Variants in TOX observed in about 807,000 individuals in gnomAD.
TOX encodes the protein thymocyte selection-associated high mobility group box protein TOX.
A neutral mutation model predicts 53.7 loss-of-function variants in TOX; 11 were observed. The observed-to-expected ratio is 0.20, with a 90% CI of 0.13 to 0.34. The LOEUF (loss-of-function observed/expected upper bound fraction) is 0.34, where lower values mean the gene tolerates loss of function less well. Among genes scored for constraint, TOX ranks in the 10% least tolerant of loss-of-function variants. The pLI is 1.00. For missense variants in TOX, 570 were observed against 664.6 expected (o/e 0.86, Z 1.56); for synonymous variants, 225 against 245.3 (o/e 0.92, Z 0.77).
At chr8:58,956,921 T>C (rs1415334120) in intron 2 of TOX, among the ~76,000 whole-genome samples, 1 of 152,214 alleles carries the variant, frequency 6.6e-6, no homozygotes, top group Non-Finnish European at 1.5e-5. Flanking sequence ...CCCTAAATAC[T>C]GTATTATTAA....
chr8:58,873,680 C>T (rs1230374980), intron 3 of TOX, among the ~76,000 whole-genome samples: 2 of 152,086 alleles, frequency 1.3e-5, no homozygotes, highest in Non-Finnish European at 2.9e-5. Flanking sequence ...ATGTTTTTCC[C>T]TCCCTAAGGG....
chr8:58,864,566 G>A (rs1811064519), intron 3 of TOX, among the ~76,000 whole-genome samples: 1 of 152,142 alleles, frequency 6.6e-6, no homozygotes, highest in Non-Finnish European at 1.5e-5. Flanking sequence ...TTTATCTAGA[G>A]CTTTACAACG....
At chr8:58,940,362 T>A (rs1255518490) in intron 2 of TOX, among the ~76,000 whole-genome samples, 1 of 151,340 alleles carries the variant, frequency 6.6e-6, no homozygotes, top group African/African-American at 2.4e-5. Context: ...TTTTACAAAC[T>A]AGCATTAGAT....
At chr8:58,853,445 G>C (rs1043324614) in intron 3 of TOX, among the ~76,000 whole-genome samples, 1 of 152,124 alleles carries the variant, frequency 6.6e-6, no homozygotes, top group Non-Finnish European at 1.5e-5. Flanking sequence ...AAACTGGGAG[G>C]GGGTGATGAT....
intron 3 of TOX, among the ~76,000 whole-genome samples, chr8:58,937,275 C>T (rs1344222095): frequency 6.6e-6 from 1 of 152,222 alleles, no homozygotes; most frequent in African/African-American, 2.4e-5. Flanking sequence ...TTTGTTTCCC[C>T]TATACCCTGC....
chr8:59,062,352 A>G (rs140198471), intron 1 of TOX, among the ~76,000 whole-genome samples: 50 of 152,238 alleles, frequency 3.3e-4, no homozygotes, highest in African/African-American at 1.1e-3. Flanking sequence ...AACATGTCCA[A>G]ATGAATCCGC....
intron 1 of TOX, among the ~76,000 whole-genome samples, chr8:59,029,995 T>C (rs1278815974): frequency 6.6e-6 from 1 of 152,182 alleles, no homozygotes; most frequent in African/African-American, 2.4e-5. Flanking sequence ...TGGAGGTAAC[T>C]TGCAACGTTT....
chr8:58,891,791 A>T (rs965462512), intron 3 of TOX, among the ~76,000 whole-genome samples: 1 of 152,172 alleles, frequency 6.6e-6, no homozygotes, highest in African/African-American at 2.4e-5. Context: ...CTGCTTTCTC[A>T]TGTGAGATTC....
chr8:59,001,742 GAAGT>G (rs1173304420), intron 1 of TOX, among the ~76,000 whole-genome samples: 1 of 152,074 alleles, frequency 6.6e-6, no homozygotes, highest in Non-Finnish European at 1.5e-5. Flanking sequence ...TCATATTCAA[GAAGT>G]AAGAAATAAC....
intron 1 of TOX, among the ~76,000 whole-genome samples, chr8:59,083,948 G>T (rs937176911): frequency 6.6e-6 from 1 of 152,010 alleles, no homozygotes; most frequent in African/African-American, 2.4e-5. Context: ...AAAGACACTT[G>T]TTGACTTGTT....
chr8:58,823,735 C>T (rs964081637), intron 6 of TOX, among the ~76,000 whole-genome samples: 1 of 152,186 alleles, frequency 6.6e-6, no homozygotes, highest in African/African-American at 2.4e-5. Context: ...TCTCTCAGCA[C>T]CCAGCCCAGT....
intron 1 of TOX, among the ~76,000 whole-genome samples, chr8:59,084,344 G>C (rs767141148): frequency 3.3e-5 from 5 of 152,010 alleles, no homozygotes; most frequent in South Asian, 2.1e-4. Flanking sequence ...AGAAAAATAA[G>C]GGAATGATTG....
At chr8:58,837,147 A>G (rs1810560258) in intron 5 of TOX, among the ~76,000 whole-genome samples, 1 of 152,206 alleles carries the variant, frequency 6.6e-6, no homozygotes, top group South Asian at 2.1e-4. Context: ...CTGTATTTAT[A>G]TAATTCCTGG....
chr8:59,007,404 G>A (rs892700444), intron 1 of TOX, among the ~76,000 whole-genome samples: 1 of 152,140 alleles, frequency 6.6e-6, no homozygotes, highest in African/African-American at 2.4e-5. Context: ...GAAGTGTCCA[G>A]GGGAAGGCAA....
At chr8:59,113,817 AC>A (rs914122553) in intron 1 of TOX, among the ~76,000 whole-genome samples, 17 of 152,278 alleles carry the variant, frequency 1.1e-4, no homozygotes, top group African/African-American at 4.1e-4. Context: ...TGGCTTTAAA[AC>A]AGAATAGGAA....
At chr8:58,938,396 G>A (rs1017089392) in intron 3 of TOX, among the ~76,000 whole-genome samples, 1 of 152,210 alleles carries the variant, frequency 6.6e-6, no homozygotes, top group Non-Finnish European at 1.5e-5. Flanking sequence ...TAGTTGGACT[G>A]TTAAGTGAGT....
intron 2 of TOX, among the ~76,000 whole-genome samples, chr8:58,956,736 C>T (rs1812715444): frequency 6.6e-6 from 1 of 152,116 alleles, no homozygotes; most frequent in African/African-American, 2.4e-5. Context: ...GGAGTGGAGA[C>T]TCTGGAGTGG....
intron 2 of TOX, among the ~76,000 whole-genome samples, chr8:58,944,624 T>C (rs1812496980): frequency 6.6e-6 from 1 of 152,184 alleles, no homozygotes; most frequent in African/African-American, 2.4e-5. Context: ...ACATATTAAT[T>C]TGGGTTCTGC....
rs188019805 is a variant in TOX at position 59,009,026 on chromosome 8, C to T, written c.103-49018G>A. ...AAGTGCTTTATCTGTCCCCTCATTC[C>T]TTCTTTTCCTCCCTCTTTCCATTTT... is the stretch of plus-strand genomic sequence containing the variant. On this transcript the variant is annotated intron_variant, in intron 1 of 8. Coordinates refer to ENST00000361421, the MANE Select transcript of TOX (RefSeq NM_014729.3). 3.3e-5 allele frequency among the ~76,000 whole-genome samples: 5 copies of T among 151,812 alleles called. No individual in the cohort carries two copies. The East Asian group carries it at 9.7e-4, about 29-fold the overall frequency.
Sources: allele counts gnomAD v4.1 joint callset (sites outside exome capture counted in the v4.1 genomes callset), GRCh38; gene constraint gnomAD v4.1.1; transcripts MANE v1.5; gene names NCBI Gene and HGNC (gene_info 2026-07-23, HGNC 2026-07-21).